The following TMEM181 variants were observed in gnomAD, a reference collection of about 807,000 sequenced individuals.
TMEM181 encodes the protein G protein-coupled receptor 178.
Under a neutral mutation model 71.9 loss-of-function variants are expected in TMEM181, and 39 were observed. The ratio of observed to expected loss-of-function variants is 0.54; its 90% CI spans 0.42 to 0.71. The LOEUF is 0.71. Ranked by LOEUF, TMEM181 falls within the 30% of genes least tolerant of loss-of-function variation. The pLI, the probability that TMEM181 is intolerant of heterozygous loss-of-function variation, is 0.00. For synonymous variants in TMEM181, 245 were observed against 228.8 expected (o/e 1.07, Z -0.64); for missense variants, 595 against 583.0 (o/e 1.02, Z -0.21).
At position 158,561,881 on chromosome 6, in the gene TMEM181, A is replaced by C. The variant is rs186000176; in HGVS notation, c.8+1649A>C. ...CAGCATTCCAGGCACCTACCTGGAA[A>C]CTGAGAAGAGTTTGGTAGCAGATAA... On this transcript the variant is annotated intron_variant, in intron 1 of 16. Coordinates refer to ENST00000684151, the MANE Select transcript of TMEM181 (RefSeq NM_001376852.1). 4.1e-3 allele frequency among the ~76,000 whole-genome samples: 619 copies of C among 152,294 alleles called. 7 individuals are homozygous for C. Among genetic ancestry groups the C allele is most frequent in the African/African-American group, 0.014 (593 of 41,548 alleles).
chr6:158,599,246 G>A (rs957021788), intron 6 of TMEM181, among the ~76,000 whole-genome samples: 4 of 152,218 alleles, frequency 2.6e-5, no homozygotes, highest in African/African-American at 7.2e-5. Context: ...GGAGGACAAG[G>A]TTGTGCTCAG....
chr6:158,589,183 A>G (rs918918861), intron 5 of TMEM181, among the ~76,000 whole-genome samples: 16 of 152,214 alleles, frequency 1.1e-4, no homozygotes, highest in African/African-American at 3.9e-4. Flanking sequence ...AGAGAGCAGG[A>G]TGGAGAGGAA....
chr6:158,573,561 G>A (rs1161689811), intron 2 of TMEM181, 38 bp downstream of exon 2: 1 of 1,531,512 alleles, frequency 6.5e-7, no homozygotes, highest in East Asian at 2.4e-5. Flanking sequence ...CTTTTGCCAT[G>A]CGCGGTGGCC....
At chr6:158,630,024 C>T (rs1006943402) in intron 15 of TMEM181, among the ~76,000 whole-genome samples, 1 of 152,156 alleles carries the variant, frequency 6.6e-6, no homozygotes, top group Admixed American at 6.5e-5. Flanking sequence ...GTGTCATTCC[C>T]ACAGAGTTGA....
intron 1 of TMEM181, among the ~76,000 whole-genome samples, chr6:158,537,257 C>A (rs1417104710): frequency 6.6e-6 from 1 of 152,104 alleles, no homozygotes; most frequent in African/African-American, 2.4e-5. Flanking sequence ...CCTCACGCGG[C>A]GCAGTCTGGG....
At chr6:158,589,578 C>A in intron 5 of TMEM181, 94 bp from the exon 6 acceptor site, 1 of 888,046 alleles carries the variant, frequency 1.1e-6, no homozygotes, top group Non-Finnish European at 1.8e-6. Flanking sequence ...ATGAGTTCTG[C>A]CCATCTGCTG....
At chr6:158,565,525 A>G (rs1782438938) in intron 1 of TMEM181, among the ~76,000 whole-genome samples, 1 of 152,252 alleles carries the variant, frequency 6.6e-6, no homozygotes. Context: ...GACAGCAGGA[A>G]GAGACAACGC....
At chr6:158,561,749 C>T (rs1562620770) in intron 1 of TMEM181, among the ~76,000 whole-genome samples, 1 of 152,176 alleles carries the variant, frequency 6.6e-6, no homozygotes, top group Admixed American at 6.5e-5. Flanking sequence ...TGAGGCCTCC[C>T]CCTGCAGCTG....
At chr6:158,606,085 GGCGCGT>G (rs1477685538) in intron 7 of TMEM181, among the ~76,000 whole-genome samples, 3 of 152,252 alleles carry the variant, frequency 2.0e-5, no homozygotes, top group Non-Finnish European at 4.4e-5. Flanking sequence ...GAAGGACACA[GGCGCGT>G]GCACATGTGA....
chr6:158,567,763 C>A lies in TMEM181; in HGVS notation c.9-5657C>A, dbSNP rs1461117807. The stretch of plus-strand genomic sequence containing the variant: ...GATCTAGGGCAAGTAATGGAACCTT[C>A]CTGAGTCTGAGCTTTCTCATCTGAA... On this transcript the variant is annotated intron_variant, in intron 1 of 16. Transcript: ENST00000684151. Among the ~76,000 whole-genome samples, 4 of 152,178 alleles carry A rather than the reference C, an allele frequency of 2.6e-5. No homozygotes were observed. The South Asian group carries it at 6.2e-4, about 24-fold the overall frequency.
intron 1 of TMEM181, among the ~76,000 whole-genome samples, chr6:158,560,874 T>C (rs1009674380): frequency 6.6e-6 from 1 of 152,052 alleles, no homozygotes; most frequent in African/African-American, 2.4e-5. Context: ...AAAACCTGTT[T>C]GGGGTCTCGT....
chr6:158,599,081 C>G (rs1020910311), intron 6 of TMEM181, among the ~76,000 whole-genome samples: 2 of 152,220 alleles, frequency 1.3e-5, no homozygotes, highest in Non-Finnish European at 2.9e-5. Context: ...CGGTCTGTTT[C>G]TGTGGTTGTC....
intron 1 of TMEM181, among the ~76,000 whole-genome samples, chr6:158,539,927 TCA>T (rs929711071): frequency 2.6e-5 from 4 of 152,162 alleles, no homozygotes; most frequent in African/African-American, 4.8e-5. Context: ...TTCATAAGAC[TCA>T]GACACTTTAT....
At chr6:158,606,199 GGC>G (rs1784947425) in intron 7 of TMEM181, among the ~76,000 whole-genome samples, 1 of 148,400 alleles carries the variant, frequency 6.7e-6, no homozygotes, top group East Asian at 2.0e-4. Context: ...TGGAGGGAGG[GGC>G]GTGGGCGCTA....
chr6:158,629,869 C>T, intron 15 of TMEM181, 50 bp downstream of exon 15: 1 of 1,477,336 alleles, frequency 6.8e-7, no homozygotes, highest in South Asian at 1.1e-5. Context: ...GGCACAGAGG[C>T]CTGTGTTCAT....
In TMEM181 at chr6:158,632,253, C is replaced by CTAGG. The variant is rs1421072420; in HGVS notation, c.*367_*370dup. 2.6e-4 allele frequency: 63 copies of CTAGG among 244,608 alleles called. No individual in the cohort carries two copies. In the East Asian group the frequency reaches 6.7e-3, roughly 26 times the overall value. 15.2% of individuals were successfully genotyped at this position (244,608 alleles called of 1,614,324 possible). ...TTCCAAGTTCACGGGCAGCCTGTGA[C>CTAGG]TAGGTCCTCAGCGTGACAGCATCAC... is the stretch of plus-strand genomic sequence containing the variant. On this transcript the variant is annotated 3_prime_UTR_variant, in exon 17 of 17. Transcript: ENST00000684151.
At chr6:158,537,329 A>G (rs1027463437) in intron 1 of TMEM181, among the ~76,000 whole-genome samples, 9 of 152,012 alleles carry the variant, frequency 5.9e-5, no homozygotes, top group Non-Finnish European at 1.2e-4. Flanking sequence ...TGAGCGCCCT[A>G]GGCTTTGCAG....
chr6:158,598,302 G>C (rs12662769), intron 6 of TMEM181, among the ~76,000 whole-genome samples: 2 of 151,988 alleles, frequency 1.3e-5, no homozygotes, highest in East Asian at 3.8e-4. Context: ...AGTGTTTTTC[G>C]GGCCGAGTTT....
chr6:158,565,106 G>A (rs909501902), intron 1 of TMEM181, among the ~76,000 whole-genome samples: 3 of 152,206 alleles, frequency 2.0e-5, no homozygotes, highest in African/African-American at 7.2e-5. Flanking sequence ...TGCTGGTGCT[G>A]GCTTCCCTCA....
Sources: gnomAD v4.1 joint callset for allele counts (sites outside exome capture counted in the v4.1 genomes callset) on GRCh38, gnomAD v4.1.1 for gene constraint, MANE v1.5 for transcripts, NCBI Gene and HGNC (gene_info 2026-07-23, HGNC 2026-07-21) for gene names.